Variants in PRKN observed in about 807,000 individuals in gnomAD.
PRKN encodes the protein E3 ubiquitin-protein ligase parkin.
In PRKN, 56 loss-of-function variants were observed where a neutral mutation model predicts 59.5. That is an observed-to-expected ratio of 0.94 (90% CI 0.76 to 1.18). The LOEUF (loss-of-function observed/expected upper bound fraction) is 1.18. PRKN is among the 50% of genes most tolerant of loss of function. The probability of loss-of-function intolerance (pLI) is 0.00; values close to 1 mark genes in which losing one functional copy is unlikely to be tolerated. For missense variants in PRKN, 657 were observed against 596.4 expected (o/e 1.10, Z -1.06); for synonymous variants, 250 against 222.1 (o/e 1.13, Z -1.12).
intron 2 of PRKN, among the ~76,000 whole-genome samples, chr6:162,378,895 T>C (rs1170666530): frequency 6.6e-6 from 1 of 152,152 alleles, no homozygotes; most frequent in Non-Finnish European, 1.5e-5. Context: ...CACTTGGCTG[T>C]CTCTGCAGAG....
Position 161,545,106 on chromosome 6 carries a change from CAG to C in PRKN, c.1083+3746_1083+3747del, listed in dbSNP as rs1253307192. ...GAACAATTTTAAATCCCACAAATGA[CAG>C]AGAATTTGGTTTTCAACTTTTTTAT... On this transcript the variant is annotated intron_variant, in intron 9 of 11. Transcript: ENST00000366898. The surrounding 1 kb of genome is among the most constrained non-coding windows in gnomAD (Gnocchi z 4.1). 1 of 1,222,902 alleles carries C rather than the reference CAG, an allele frequency of 8.2e-7. No individual in the cohort carries two copies. The highest frequency in any genetic ancestry group is 1.6e-5 in the African/African-American group (1 of 64,100). The allele number at this position is 1,222,902 out of a possible 1,614,324, so 75.8% of individuals were successfully genotyped here. A position where few individuals can be genotyped will look rare whatever the true frequency, so the allele number is the denominator to read the frequency against.
At chr6:161,516,826 C>CAAAAAAAAAAAAAAAAA (rs369136348) in intron 9 of PRKN, among the ~76,000 whole-genome samples, 19 of 63,182 alleles carry the variant, frequency 3.0e-4, no homozygotes, top group South Asian at 9.4e-4. Context: ...GACTCAATCT[C>CAAAAAAAAAAAAAAAAA]AAAAAAAAAA....
chr6:161,394,192 T>C (rs1400443580), intron 9 of PRKN, among the ~76,000 whole-genome samples: 2 of 152,226 alleles, frequency 1.3e-5, no homozygotes, highest in Non-Finnish European at 2.9e-5. Flanking sequence ...TTATTTCCTT[T>C]CAAGTACACA....
intron 4 of PRKN, among the ~76,000 whole-genome samples, chr6:162,102,187 C>T (rs539411002): frequency 1.1e-4 from 16 of 152,200 alleles, no homozygotes; most frequent in South Asian, 2.1e-4. Flanking sequence ...ACTCTCCGTC[C>T]CCCCACCCAT....
chr6:161,543,731 T>A (rs1272766735), intron 9 of PRKN, among the ~76,000 whole-genome samples: 1 of 152,226 alleles, frequency 6.6e-6, no homozygotes, highest in African/African-American at 2.4e-5. Flanking sequence ...TTTAATAAAT[T>A]ATCACCCAGA....
chr6:161,485,543 C>A lies in PRKN; in HGVS notation c.1083+63311G>T, dbSNP rs375999520. ...CCATAGGCTAGTTTTCATCCCCTCC[C>A]AAACCACTCTAATTTATATAGGAGG... On this transcript the variant is annotated intron_variant, in intron 9 of 11. Coordinates refer to ENST00000366898, the MANE Select transcript of PRKN (RefSeq NM_004562.3). 6.6e-5 allele frequency among the ~76,000 whole-genome samples: 10 copies of A among 152,252 alleles called. No homozygotes were observed. In the East Asian group the frequency reaches 1.5e-3, roughly 23 times the overall value.
chr6:162,187,490 T>C (rs1213628286), intron 4 of PRKN, among the ~76,000 whole-genome samples: 1 of 152,026 alleles, frequency 6.6e-6, no homozygotes, highest in Non-Finnish European at 1.5e-5. Context: ...GGGGAGCAAG[T>C]TCAAGGTGGG....
intron 1 of PRKN, among the ~76,000 whole-genome samples, chr6:162,554,816 T>C (rs574826579): frequency 6.6e-6 from 1 of 152,112 alleles, no homozygotes; most frequent in South Asian, 2.1e-4. Context: ...ACCACAGAAA[T>C]GTTCTAAAAT....
At chr6:162,121,731 G>A (rs1486218869) in intron 4 of PRKN, among the ~76,000 whole-genome samples, 1 of 152,194 alleles carries the variant, frequency 6.6e-6, no homozygotes, top group Non-Finnish European at 1.5e-5. Flanking sequence ...GGGTGGCCAT[G>A]ATGAAGGGGA....
chr6:161,412,700 C>T (rs926983220), intron 9 of PRKN, among the ~76,000 whole-genome samples: 1 of 151,452 alleles, frequency 6.6e-6, no homozygotes, highest in Non-Finnish European at 1.5e-5. Context: ...CCTTTACTAA[C>T]TCATTCCTTC....
intron 3 of PRKN, among the ~76,000 whole-genome samples, chr6:162,258,521 T>G (rs1779750411): frequency 8.8e-6 from 1 of 114,236 alleles, no homozygotes; most frequent in South Asian, 3.6e-4. Context: ...ACGTTCTTAT[T>G]GAAAATGTAG....
chr6:162,074,196 G>A (rs1380214464), intron 4 of PRKN, among the ~76,000 whole-genome samples: 9 of 137,976 alleles, frequency 6.5e-5, no homozygotes, highest in African/African-American at 8.4e-5. Context: ...GTTTATTGCC[G>A]CATTATTCAC....
intron 6 of PRKN, among the ~76,000 whole-genome samples, chr6:161,937,290 A>AT (rs202162604): frequency 2.0e-5 from 3 of 152,006 alleles, no homozygotes; most frequent in South Asian, 2.1e-4. Flanking sequence ...TTTTAATTCC[A>AT]TTTTTTTTCC....
At chr6:162,080,053 C>T (rs1778995202) in intron 4 of PRKN, among the ~76,000 whole-genome samples, 1 of 152,080 alleles carries the variant, frequency 6.6e-6, no homozygotes, top group African/African-American at 2.4e-5. Flanking sequence ...TCTTCCCCAG[C>T]AACTGAGACT....
In PRKN at chr6:161,488,185, A is replaced by G. The variant is rs1328848300; in HGVS notation, c.1083+60669T>C. On this transcript the variant is annotated intron_variant, in intron 9 of 11. Transcript: ENST00000366898. The surrounding 1 kb of genome is among the most constrained non-coding windows in gnomAD (Gnocchi z 4.5). ...TAAATGAATGGAGGCAGCCATGCAA[A>G]AAGCTGAAGGAAGGTCCTCCAGGAA... Among the ~76,000 whole-genome samples the G allele has an allele frequency of 6.6e-6, 1 of 152,164 alleles. No individual in the cohort carries two copies. The highest frequency in any genetic ancestry group is 2.4e-5 in the African/African-American group (1 of 41,428).
intron 4 of PRKN, among the ~76,000 whole-genome samples, chr6:162,127,516 C>T (rs545003136): frequency 1.3e-5 from 2 of 152,212 alleles, no homozygotes; most frequent in Admixed American, 1.3e-4. Flanking sequence ...AAGTGAGTAC[C>T]TTATACCATA....
At chr6:161,668,462 T>A (rs1784798814) in intron 7 of PRKN, among the ~76,000 whole-genome samples, 1 of 152,126 alleles carries the variant, frequency 6.6e-6, no homozygotes, top group Non-Finnish European at 1.5e-5. Flanking sequence ...GAAAAACCCA[T>A]CTATGGATTC....
intron 7 of PRKN, among the ~76,000 whole-genome samples, chr6:161,727,178 G>A (rs558379048): frequency 6.6e-6 from 1 of 152,290 alleles, no homozygotes; most frequent in South Asian, 2.1e-4. Flanking sequence ...TTCACAATGG[G>A]AGTCCTATTT....
intron 9 of PRKN, among the ~76,000 whole-genome samples, chr6:161,495,216 C>T (rs10755582): frequency 0.52 from 78,912 of 152,052 alleles, 22,730 homozygotes; most frequent in African/African-American, 0.77. Flanking sequence ...CACCTCCCTT[C>T]GGACTACCCA....
Sources: gnomAD v4.1 joint callset for allele counts (sites outside exome capture counted in the v4.1 genomes callset) on GRCh38, gnomAD v4.1.1 for gene constraint, Gnocchi (gnomAD v3.1) non-coding constraint, MANE v1.5 for transcripts, NCBI Gene and HGNC (gene_info 2026-07-23, HGNC 2026-07-21) for gene names.